CROCC2: variants seen among roughly 807,000 people sequenced by gnomAD.
CROCC2 encodes the protein ciliary rootlet coiled-coil, rootletin family member 2, also known as ciliary rootlet coiled-coil protein 2.
CROCC2 carries 163 observed loss-of-function variants against 177.6 expected under a neutral mutation model. That is an observed-to-expected ratio of 0.92 (90% CI 0.81 to 1.05). The LOEUF (loss-of-function observed/expected upper bound fraction) is 1.05. Ranked by LOEUF, CROCC2 falls within the 50% of genes least tolerant of loss-of-function variation. The pLI is 0.00. For missense variants in CROCC2, 1,929 were observed against 1,797.8 expected, an observed-to-expected ratio of 1.07 and a Z score of -1.32; for synonymous variants, 904 against 787.3, an observed-to-expected ratio of 1.15 and a Z score of -2.48.
In CROCC2 at chr2:240,967,444, G is replaced by T. The variant is rs1463916026; in HGVS notation, c.4246G>T (p.Ala1416Ser). The T allele has an allele frequency of 4.9e-6, 7 of 1,431,318 alleles. No homozygotes were observed. Among genetic ancestry groups the T allele is most frequent in the Non-Finnish European group, 6.7e-6 (7 of 1,038,376 alleles). The allele number at this position is 1,431,318 out of a possible 1,614,324, so 88.7% of individuals were successfully genotyped here. A position where few individuals can be genotyped will look rare whatever the true frequency, so the allele number is the denominator to read the frequency against. Reference sequence around the variant, plus strand: ...GAGCCGCGTGGGGCAGCTGCAGAAAGCCCTGGCTGAGGCGGAAGAAGGTGA... The same window carrying T: ...GAGCCGCGTGGGGCAGCTGCAGAAATCCCTGGCTGAGGCGGAAGAAGGTGA... ...AQSRVGQLQKALAEAEEGQRR... is the reference protein window; with the variant it reads ...AQSRVGQLQKSLAEAEEGQRR... Residue 1416 changes from alanine to serine, a missense_variant, in exon 26 of 32, where the codon GCC (alanine) becomes TCC (serine). Around this residue, in one of 3 missense-constraint regions of CROCC2, gnomAD observed 388 missense variants for 352.7 expected, o/e 1.10. Transcript: ENST00000690015.
intron 15 of CROCC2, 121 bp downstream of exon 15, chr2:240,946,374 C>T (rs1208762782): frequency 9.6e-7 from 1 of 1,037,390 alleles, no homozygotes; most frequent in East Asian, 2.7e-5. Flanking sequence ...AGCGTGTGCC[C>T]ATGAAATGGG....
intron 5 of CROCC2, among the ~76,000 whole-genome samples, chr2:240,926,354 C>A (rs935900043): frequency 3.3e-5 from 5 of 152,244 alleles, no homozygotes; most frequent in African/African-American, 1.2e-4. Context: ...GGGCACAGAG[C>A]TCCAGGCACC....
At chr2:240,933,383 A>G in intron 10 of CROCC2, 41 bp downstream of exon 10, 1 of 1,450,996 alleles carries the variant, frequency 6.9e-7, no homozygotes, top group Non-Finnish European at 9.1e-7. Context: ...CACAGGGTGT[A>G]TGGGATCCTG....
intron 28 of CROCC2, among the ~76,000 whole-genome samples, chr2:240,986,536 G>A (rs1185973347): frequency 6.6e-6 from 1 of 152,226 alleles, no homozygotes; most frequent in African/African-American, 2.4e-5. Flanking sequence ...GGTGTTGCCG[G>A]CTCCACGACC....
chr2:240,992,996 CCCGG>C lies in CROCC2; in HGVS notation c.4947-68_4947-65del. On this transcript the variant is annotated intron_variant, in intron 31 of 31. Transcript: ENST00000690015. Reference sequence around the variant, plus strand: ...AGACTCAGCATCGGTCCCTCCAGCCCCCGGCAGCAGGAGCCCCCATGTGTCCCCG... The same window carrying C: ...AGACTCAGCATCGGTCCCTCCAGCCCCAGCAGGAGCCCCCATGTGTCCCCG... 4 of 708,490 alleles carry C rather than the reference CCCGG, an allele frequency of 5.6e-6. No individual in the cohort carries two copies. In the South Asian group the frequency reaches 6.0e-5, roughly 11 times the overall value. The allele number at this position is 708,490 out of a possible 1,614,324, so 43.9% of individuals were successfully genotyped here.
At chr2:240,910,956 C>T (rs994507977) in intron 1 of CROCC2, among the ~76,000 whole-genome samples, 1 of 151,930 alleles carries the variant, frequency 6.6e-6, no homozygotes, top group African/African-American at 2.4e-5. Context: ...CATGGTGAAA[C>T]CCCGTCTCTA....
In CROCC2 at chr2:240,922,599, G is replaced by A. The variant is rs921970545; in HGVS notation, c.442G>A (p.Val148Met). ...QLRRSELEHS[V>M]DLEEALGRLE... ...GCGGAGGTCAGAGCTGGAGCACAGC[G>A]TGGATCTGGAGGAGGCCCTTGGCCG... The change falls in exon 4 of 32, where the codon GTG becomes ATG. Residue 148 changes from valine to methionine, a missense_variant. This residue lies in a region of CROCC2 where 1,397 missense variants were observed against 1,239.9 expected (regional missense o/e 1.13). Coordinates refer to ENST00000690015, the MANE Select transcript of CROCC2 (RefSeq NM_001351305.2). The A allele has an allele frequency of 3.9e-5, 27 of 688,644 alleles. No individual in the cohort carries two copies. Among genetic ancestry groups the A allele is most frequent in the Non-Finnish European group, 6.5e-5 (24 of 368,432 alleles). The allele number at this position is 688,644 out of a possible 1,614,324, so 42.7% of individuals were successfully genotyped here. A position where few individuals can be genotyped will look rare whatever the true frequency, so the allele number is the denominator to read the frequency against.
chr2:240,922,590 G>T lies in CROCC2; in HGVS notation c.433G>T (p.Glu145Ter). ...TEAQLRRSEL[E>*]HSVDLEEALG... Reference sequence around the variant, plus strand: ...GGCTCAGCTGCGGAGGTCAGAGCTGGAGCACAGCGTGGATCTGGAGGAGGC... The same window carrying T: ...GGCTCAGCTGCGGAGGTCAGAGCTGTAGCACAGCGTGGATCTGGAGGAGGC... The change falls in exon 4 of 32, where the codon GAG becomes TAG. Residue 145 changes from glutamate to a stop codon, truncating the protein, a stop_gained. Coordinates refer to ENST00000690015, the MANE Select transcript of CROCC2 (RefSeq NM_001351305.2). LOFTEE classifies it high-confidence loss of function. 1.4e-6 allele frequency: 1 copy of T among 693,992 alleles called. No homozygotes were observed. The highest frequency in any genetic ancestry group is 2.3e-4 in the Middle Eastern group (1 of 4,272). 43.0% of individuals were successfully genotyped at this position (693,992 alleles called of 1,614,324 possible).
chr2:240,910,195 C>T (rs1343634771), intron 1 of CROCC2, among the ~76,000 whole-genome samples: 1 of 152,114 alleles, frequency 6.6e-6, no homozygotes, highest in Non-Finnish European at 1.5e-5. Flanking sequence ...TGCAAAGCCC[C>T]CTGAAATTGC....
intron 28 of CROCC2, 101 bp downstream of exon 28, chr2:240,983,130 C>A: frequency 8.2e-7 from 1 of 1,221,874 alleles, no homozygotes; most frequent in Non-Finnish European, 1.1e-6. Context: ...AGTCCCTCAA[C>A]ATGAAGGGAG....
intron 29 of CROCC2, among the ~76,000 whole-genome samples, chr2:240,989,355 G>A (rs1037243382): frequency 3.9e-5 from 6 of 152,110 alleles, no homozygotes; most frequent in Non-Finnish European, 7.4e-5. Flanking sequence ...ATCAAACTTC[G>A]ATGCCCTCCG....
chr2:240,986,294 G>A (rs532206731), intron 28 of CROCC2, among the ~76,000 whole-genome samples: 7 of 152,284 alleles, frequency 4.6e-5, no homozygotes, highest in African/African-American at 7.2e-5. Flanking sequence ...CCTCTGGACC[G>A]GATGCTTTTG....
chr2:240,910,941 G>A (rs889578242), intron 1 of CROCC2, among the ~76,000 whole-genome samples: 3 of 152,040 alleles, frequency 2.0e-5, no homozygotes, highest in South Asian at 2.1e-4. Flanking sequence ...GACCAGCCTG[G>A]CCAACATGGT....
At position 240,993,106 on chromosome 2, in the gene CROCC2, C is replaced by T. The variant is rs1352079957; in HGVS notation, c.*25C>T. 1.4e-6 allele frequency: 1 copy of T among 716,266 alleles called. No individual in the cohort carries two copies. Among genetic ancestry groups the T allele is most frequent in the Non-Finnish European group, 2.6e-6 (1 of 384,466 alleles). The allele number at this position is 716,266 out of a possible 1,614,324, so 44.4% of individuals were successfully genotyped here. Reference sequence around the variant, plus strand: ...AAGCTCCCAGCACAGGGGAGGCGCCCAGCGTGGCTGCAGAGGAAGGGAACG... The same window carrying T: ...AAGCTCCCAGCACAGGGGAGGCGCCTAGCGTGGCTGCAGAGGAAGGGAACG... On this transcript the variant is annotated 3_prime_UTR_variant, in exon 32 of 32. Transcript: ENST00000690015.
chr2:240,989,420 C>T (rs2059862168), intron 29 of CROCC2, among the ~76,000 whole-genome samples: 1 of 152,138 alleles, frequency 6.6e-6, no homozygotes, highest in Non-Finnish European at 1.5e-5. Flanking sequence ...GATTTTAGGC[C>T]CACCCTGGAG....
At chr2:240,920,825 G>A (rs956181591) in intron 3 of CROCC2, among the ~76,000 whole-genome samples, 2 of 152,218 alleles carry the variant, frequency 1.3e-5, no homozygotes, top group Non-Finnish European at 2.9e-5. Context: ...AAACCTGCTA[G>A]GCCAGAGCCT....
At chr2:240,981,293 G>T (rs2059797748) in intron 27 of CROCC2, among the ~76,000 whole-genome samples, 1 of 152,118 alleles carries the variant, frequency 6.6e-6, no homozygotes, top group Admixed American at 6.5e-5. Context: ...TCTGGGGTAG[G>T]AGCCTCCGGA....
At chr2:240,945,953 G>T in intron 14 of CROCC2, 107 bp from the exon 15 acceptor site, 1 of 846,056 alleles carries the variant, frequency 1.2e-6, no homozygotes, top group Non-Finnish European at 1.8e-6. Flanking sequence ...ATGCCATTCT[G>T]CATAAAATCA....
intron 30 of CROCC2, among the ~76,000 whole-genome samples, chr2:240,990,734 C>T (rs2059872797): frequency 1.3e-5 from 2 of 152,188 alleles, no homozygotes; most frequent in South Asian, 4.1e-4. Flanking sequence ...AGGCACCCAC[C>T]ACCATGCCTG....
Sources: allele counts gnomAD v4.1 joint callset (sites outside exome capture counted in the v4.1 genomes callset), GRCh38; gene constraint gnomAD v4.1.1; regional missense constraint gnomAD v4.1.1; transcripts MANE v1.5; gene names NCBI Gene and HGNC (gene_info 2026-07-23, HGNC 2026-07-21).